Variants in EVL observed in about 807,000 individuals in gnomAD.
The protein encoded by EVL is ena/VASP-like protein.
Under a neutral mutation model 59.6 loss-of-function variants are expected in EVL, and 21 were observed. The ratio of observed to expected loss-of-function variants is 0.35; its 90% CI spans 0.25 to 0.51. The LOEUF is 0.51. Among genes scored for constraint, EVL ranks in the 20% least tolerant of loss-of-function variants. EVL has a pLI of 0.97. For missense variants in EVL, 462 were observed against 546.6 expected (o/e 0.85, Z 1.54); for synonymous variants, 198 against 203.5 (o/e 0.97, Z 0.23).
rs955481620 is a variant in EVL at position 100,143,618 on chromosome 14, C to A, written c.1220-83C>A. ...AACAGGGACACATACCAGGCAGGTC[C>A]ACGCCAGGGGTGCGGGGCCCTGATG... On this transcript the variant is annotated intron_variant, in intron 13 of 13. Coordinates refer to ENST00000392920, the MANE Select transcript of EVL (RefSeq NM_016337.3). The A allele has an allele frequency of 1.9e-6, 3 of 1,555,328 alleles. No individual in the cohort carries two copies. The African/African-American group carries it at 4.1e-5, about 21-fold the overall frequency.
intron 2 of EVL, among the ~76,000 whole-genome samples, chr14:100,088,058 G>A (rs1159634400): frequency 6.6e-6 from 1 of 152,198 alleles, no homozygotes; most frequent in Non-Finnish European, 1.5e-5. Context: ...TAGGAATATT[G>A]CGTGGATGCT....
chr14:99,984,989 C>T (rs2060831074), intron 1 of EVL, among the ~76,000 whole-genome samples: 2 of 152,004 alleles, frequency 1.3e-5, no homozygotes, highest in African/African-American at 4.8e-5. Flanking sequence ...TTTTCTGTTC[C>T]AGGATCCCAT....
intron 1 of EVL, among the ~76,000 whole-genome samples, chr14:99,994,450 C>T (rs1043930671): frequency 2.0e-5 from 3 of 151,732 alleles, no homozygotes; most frequent in African/African-American, 7.3e-5. Flanking sequence ...AGATATTTTA[C>T]TTGTGATTAC....
At chr14:100,075,826 A>C (rs1054725623) in intron 1 of EVL, among the ~76,000 whole-genome samples, 2 of 152,222 alleles carry the variant, frequency 1.3e-5, no homozygotes, top group Non-Finnish European at 2.9e-5. Flanking sequence ...TTGCCTGTTA[A>C]TCACCATAGA....
At position 100,108,796 on chromosome 14, in the gene EVL, G is replaced by A. The variant is rs985571687; in HGVS notation, c.358+11138G>A. Among the ~76,000 whole-genome samples the A allele has an allele frequency of 2.6e-5, 4 of 152,122 alleles. No individual in the cohort carries two copies. The highest frequency in any genetic ancestry group is 1.9e-4 in the East Asian group (1 of 5,178). On this transcript the variant is annotated intron_variant, in intron 3 of 13. Coordinates refer to ENST00000392920, the MANE Select transcript of EVL (RefSeq NM_016337.3). The surrounding 1 kb of genome is among the most constrained non-coding windows in gnomAD (Gnocchi z 4.1). ...TTTGCACTCCCTCCTGCACTCCCACGGGGCTTTATTTTTGCCTCTGTCCTA... is the reference window on the plus strand; with the variant it reads ...TTTGCACTCCCTCCTGCACTCCCACAGGGCTTTATTTTTGCCTCTGTCCTA...
chr14:100,003,144 A>AC (rs1278933348), intron 1 of EVL, among the ~76,000 whole-genome samples: 1 of 151,678 alleles, frequency 6.6e-6, no homozygotes, highest in Non-Finnish European at 1.5e-5. Flanking sequence ...AATCTCACGC[A>AC]CCCCCCTCTT....
At chr14:100,047,332 C>T (rs1300824864) in intron 1 of EVL, among the ~76,000 whole-genome samples, 2 of 151,810 alleles carry the variant, frequency 1.3e-5, no homozygotes, top group Non-Finnish European at 2.9e-5. Flanking sequence ...GTAGCTTCCC[C>T]CTCTGAAAGC....
intron 1 of EVL, among the ~76,000 whole-genome samples, chr14:100,069,635 G>A (rs2062007722): frequency 6.6e-6 from 1 of 152,172 alleles, no homozygotes; most frequent in African/African-American, 2.4e-5. Flanking sequence ...AAGCTTCTCT[G>A]CCTTCCTCTG....
At chr14:100,085,372 C>A (rs552457514) in intron 2 of EVL, among the ~76,000 whole-genome samples, 226 of 152,226 alleles carry the variant, frequency 1.5e-3, no homozygotes, top group Non-Finnish European at 2.6e-3. Flanking sequence ...AGGGAACAAT[C>A]ATGTCCACCT....
At chr14:100,102,252 A>G in intron 3 of EVL, 1 of 456,086 alleles carries the variant, frequency 2.2e-6, no homozygotes, top group Non-Finnish European at 4.4e-6. Flanking sequence ...GCATAGAGGA[A>G]CACAGCCTCC....
intron 1 of EVL, among the ~76,000 whole-genome samples, chr14:100,070,125 A>G (rs1283399588): frequency 6.6e-6 from 1 of 151,966 alleles, no homozygotes; most frequent in East Asian, 1.9e-4. Context: ...GCCAGATGTG[A>G]TAGTGCATGC....
chr14:100,121,136 C>T (rs1429032860), intron 3 of EVL, among the ~76,000 whole-genome samples: 1 of 152,180 alleles, frequency 6.6e-6, no homozygotes, highest in Non-Finnish European at 1.5e-5. Flanking sequence ...TGTGTAGTGC[C>T]TCACCACTAG....
chr14:100,001,402 G>A (rs1235108229), intron 1 of EVL, among the ~76,000 whole-genome samples: 1 of 152,184 alleles, frequency 6.6e-6, no homozygotes, highest in Non-Finnish European at 1.5e-5. Flanking sequence ...TCTAGCAACA[G>A]GTGTGTTATA....
intron 1 of EVL, among the ~76,000 whole-genome samples, chr14:100,027,916 C>T (rs897650450): frequency 6.6e-6 from 1 of 152,152 alleles, no homozygotes; most frequent in Non-Finnish European, 1.5e-5. Flanking sequence ...CTCAAGTGAT[C>T]CACCCTCATT....
chr14:99,998,890 G>A (rs1270473048), intron 1 of EVL, among the ~76,000 whole-genome samples: 3 of 152,124 alleles, frequency 2.0e-5, no homozygotes, highest in African/African-American at 4.8e-5. Flanking sequence ...CCAAGGTCCA[G>A]TAATGGTCTC....
At chr14:100,016,282 G>A (rs972329750) in intron 1 of EVL, among the ~76,000 whole-genome samples, 31 of 152,100 alleles carry the variant, frequency 2.0e-4, no homozygotes. Flanking sequence ...TGTAATCCCA[G>A]CACTTTGGGA....
intron 1 of EVL, chr14:100,019,700 C>T (rs1365907657): frequency 6.5e-7 from 1 of 1,532,024 alleles, no homozygotes; most frequent in Non-Finnish European, 8.7e-7. Flanking sequence ...ATGTTCTGGG[C>T]TTTCTACATC....
At chr14:100,065,593 T>G (rs1041106796) in intron 1 of EVL, 82 bp downstream of exon 1, 8 of 803,002 alleles carry the variant, frequency 1.0e-5, no homozygotes, top group Non-Finnish European at 1.5e-5. Flanking sequence ...CTGTAGAAAT[T>G]ATCTCAGGTC....
chr14:100,121,727 A>G (rs1275436702), intron 3 of EVL, among the ~76,000 whole-genome samples: 1 of 152,212 alleles, frequency 6.6e-6, no homozygotes, highest in Non-Finnish European at 1.5e-5. Context: ...AATCCAAAGC[A>G]CACAACCACA....
Sources: gnomAD v4.1 joint callset for allele counts (sites outside exome capture counted in the v4.1 genomes callset) on GRCh38, gnomAD v4.1.1 for gene constraint, Gnocchi (gnomAD v3.1) non-coding constraint, MANE v1.5 for transcripts, NCBI Gene and HGNC (gene_info 2026-07-23, HGNC 2026-07-21) for gene names.